Variants in MRPS6 observed in about 807,000 individuals in gnomAD.
MRPS6 encodes the protein mitochondrial ribosomal protein S6.
In MRPS6, 6 loss-of-function variants were observed where a neutral mutation model predicts 13.1. That is an observed-to-expected ratio of 0.46 (90% confidence interval 0.25 to 0.91). The LOEUF is 0.91. Ranked by LOEUF, MRPS6 falls within the 40% of genes least tolerant of loss-of-function variation. MRPS6 has a pLI of 0.18. For synonymous variants in MRPS6, 61 were observed against 56.5 expected (o/e 1.08, Z -0.36); for missense variants, 164 against 155.6 (o/e 1.05, Z -0.29).
intron 1 of MRPS6, among the ~76,000 whole-genome samples, chr21:34,112,447 A>C (rs1979742595): frequency 6.6e-6 from 1 of 152,224 alleles, no homozygotes; most frequent in African/African-American, 2.4e-5. Flanking sequence ...TTTGAGATAA[A>C]TTTCATGTAT....
intron 2 of MRPS6, among the ~76,000 whole-genome samples, chr21:34,137,131 C>T (rs1602969522): frequency 6.6e-6 from 1 of 152,130 alleles, no homozygotes; most frequent in South Asian, 2.1e-4. Flanking sequence ...CATTCTCTAT[C>T]AGAGTTGTTT....
chr21:34,091,583 A>C (rs1978697509), intron 1 of MRPS6, among the ~76,000 whole-genome samples: 1 of 152,224 alleles, frequency 6.6e-6, no homozygotes, highest in Non-Finnish European at 1.5e-5. Flanking sequence ...GGTCAAATGC[A>C]GCAAATATTT....
intron 1 of MRPS6, among the ~76,000 whole-genome samples, chr21:34,090,812 C>A (rs987174437): frequency 1.3e-5 from 2 of 150,738 alleles, no homozygotes; most frequent in Non-Finnish European, 1.5e-5. Flanking sequence ...TGCCTGAGAT[C>A]CTACAGTTAG....
chr21:34,098,999 T>TAAA (rs1979105238), intron 1 of MRPS6: 1 of 990,950 alleles, frequency 1.0e-6, no homozygotes. Flanking sequence ...TCAGTCTTTT[T>TAAA]AATTTTTTTG....
At chr21:34,133,965 T>C (rs139050943) in intron 2 of MRPS6, among the ~76,000 whole-genome samples, 9 of 152,270 alleles carry the variant, frequency 5.9e-5, no homozygotes, top group Middle Eastern at 3.4e-3. Flanking sequence ...GAAAAAAGCA[T>C]TGGGCCCCTG....
rs1222207312 is a variant in MRPS6, at chr21:34,125,070, C to T, written c.46-271C>T. The T allele has an allele frequency of 1.2e-5, 4 of 337,536 alleles. No homozygotes were observed. In the Admixed American group the frequency reaches 1.4e-4, roughly 12 times the overall value. The allele number at this position is 337,536 out of a possible 1,614,324, so 20.9% of individuals were successfully genotyped here. A position where few individuals can be genotyped will look rare whatever the true frequency, so the allele number is the denominator to read the frequency against. ...GAAGAAGCCACTCATTAGTTCCTGC[C>T]TCCCAGATCCCTGGAGCTGCCCTGG... On this transcript the variant is annotated intron_variant, in intron 1 of 2. Coordinates refer to ENST00000399312, the MANE Select transcript of MRPS6 (RefSeq NM_032476.4).
intron 1 of MRPS6, chr21:34,097,427 G>GT (rs35280535): frequency 1 from 1,507,649 of 1,507,694 alleles, 753,802 homozygotes; most frequent in Middle Eastern, 1. Context: ...TTATGTAACT[G>GT]TGCATCTCTC....
chr21:34,111,828 GGCTTTT>G (rs552772960), intron 1 of MRPS6, among the ~76,000 whole-genome samples: 169 of 149,726 alleles, frequency 1.1e-3, no homozygotes, highest in African/African-American at 3.8e-3. Context: ...AGCTTTCCAT[GGCTTTT>G]CAGAGTTGAG....
At chr21:34,124,171 G>A (rs1980220356) in intron 1 of MRPS6, 1 of 152,090 alleles carries the variant, frequency 6.6e-6, no homozygotes, top group African/African-American at 2.4e-5. Context: ...TCAACCTAGG[G>A]GAGCCATGGC....
intron 2 of MRPS6, among the ~76,000 whole-genome samples, chr21:34,136,840 C>T (rs1445949577): frequency 6.6e-6 from 1 of 152,040 alleles, no homozygotes; most frequent in Non-Finnish European, 1.5e-5. Context: ...TTGCTTAATC[C>T]AAATTTACAA....
chr21:34,131,779 C>T (rs1453046220), intron 2 of MRPS6, among the ~76,000 whole-genome samples: 1 of 152,198 alleles, frequency 6.6e-6, no homozygotes, highest in South Asian at 2.1e-4. Context: ...CAAAGCCCAG[C>T]AGTGAGTCAG....
chr21:34,132,004 A>G (rs1175325188), intron 2 of MRPS6, among the ~76,000 whole-genome samples: 1 of 152,230 alleles, frequency 6.6e-6, no homozygotes, highest in Non-Finnish European at 1.5e-5. Context: ...GGTAAGAAGA[A>G]AAGGATATGT....
intron 2 of MRPS6, among the ~76,000 whole-genome samples, chr21:34,129,523 TA>T (rs1436246781): frequency 3.9e-5 from 6 of 152,302 alleles, no homozygotes; most frequent in Admixed American, 2.6e-4. Flanking sequence ...AAAATTTGGA[TA>T]GGTGCTTATA....
At position 34,105,301 on chromosome 21, in the gene MRPS6, T is replaced by C; in HGVS notation, c.46-20040T>C. On this transcript the variant is annotated intron_variant, in intron 1 of 2. Coordinates refer to ENST00000399312, the MANE Select transcript of MRPS6 (RefSeq NM_032476.4). Reference sequence around the variant, plus strand: ...GTATGAACTGTGTTATACTTCTCAGTGCTTTCTTTTTTCTTTTTGATAAGA... The same window carrying C: ...GTATGAACTGTGTTATACTTCTCAGCGCTTTCTTTTTTCTTTTTGATAAGA... 3 of 1,000,048 alleles carry C rather than the reference T, an allele frequency of 3.0e-6. No homozygotes were observed. In the South Asian group the frequency reaches 1.4e-4, roughly 47 times the overall value. 61.9% of individuals were successfully genotyped at this position (1,000,048 alleles called of 1,614,324 possible). A position where few individuals can be genotyped will look rare whatever the true frequency, so the allele number is the denominator to read the frequency against.
At chr21:34,139,941 C>T (rs1202639269) in intron 2 of MRPS6, among the ~76,000 whole-genome samples, 1 of 152,060 alleles carries the variant, frequency 6.6e-6, no homozygotes, top group African/African-American at 2.4e-5. Flanking sequence ...AGTTGTTTCA[C>T]CTTTCTCATT....
intron 1 of MRPS6, among the ~76,000 whole-genome samples, chr21:34,108,930 T>A (rs564023253): frequency 6.6e-6 from 1 of 152,284 alleles, no homozygotes; most frequent in Non-Finnish European, 1.5e-5. Context: ...TTCTCCCTGC[T>A]CTCTCCTGCT....
intron 1 of MRPS6, among the ~76,000 whole-genome samples, chr21:34,087,521 T>C (rs527737750): frequency 1.1e-3 from 165 of 152,262 alleles, no homozygotes; most frequent in Non-Finnish European, 2.0e-3. Flanking sequence ...AGAAGAAACG[T>C]TTAAGTTTTA....
At chr21:34,117,273 T>G (rs1979955875) in intron 1 of MRPS6, among the ~76,000 whole-genome samples, 1 of 152,094 alleles carries the variant, frequency 6.6e-6, no homozygotes. Context: ...TCATAAGAAT[T>G]TTCTCCCTTC....
chr21:34,105,782 C>G, intron 1 of MRPS6: 1 of 994,180 alleles, frequency 1.0e-6, no homozygotes, highest in Non-Finnish European at 1.2e-6. Context: ...GTATCCATCT[C>G]ATTGTACAGT....
Sources: allele counts gnomAD v4.1 joint callset (sites outside exome capture counted in the v4.1 genomes callset), GRCh38; gene constraint gnomAD v4.1.1; transcripts MANE v1.5; gene names NCBI Gene and HGNC (gene_info 2026-07-23, HGNC 2026-07-21).